Variants in CD101 observed in about 807,000 individuals in gnomAD.
CD101 encodes immunoglobulin superfamily member 2.
A neutral mutation model predicts 98.2 loss-of-function variants in CD101; 76 were observed. That is an observed-to-expected ratio of 0.77 (90% CI 0.64 to 0.94). The LOEUF (loss-of-function observed/expected upper bound fraction) is 0.94. Ranked by LOEUF, CD101 falls within the 40% of genes least tolerant of loss-of-function variation. CD101 has a pLI of 0.00. For synonymous variants in CD101, 471 were observed against 472.7 expected (o/e 1.00, Z 0.05); for missense variants, 1,145 against 1,218.8 (o/e 0.94, Z 0.90).
Position 117,029,204 on chromosome 1 carries a change from A to AAAG in CD101, c.2824+3302_2824+3303insGAA, listed in dbSNP as rs1553188315. ...GAAAGAAAGAAAGAAAGAAAGAAAG[A>AAAG]AAAGAAAGAAAAGAAAGAAAGAAAG... On this transcript the variant is annotated intron_variant, in intron 8 of 9. Coordinates refer to ENST00000682167, the MANE Select transcript of CD101 (RefSeq NM_001256106.3). Among the ~76,000 whole-genome samples, 34 of 58,874 alleles carry AAAG rather than the reference A, an allele frequency of 5.8e-4. 2 individuals are homozygous for AAAG. The highest frequency in any genetic ancestry group is 8.2e-4 in the African/African-American group (11 of 13,372). The allele number at this position is 58,874 out of a possible 152,430, so 38.6% of individuals were successfully genotyped here.
intron 8 of CD101, among the ~76,000 whole-genome samples, chr1:117,027,674 T>C (rs1019682847): frequency 1.3e-5 from 2 of 152,130 alleles, no homozygotes; most frequent in African/African-American, 2.4e-5. Flanking sequence ...CAAATGTGTC[T>C]AGAGTATGAA....
intron 6 of CD101, among the ~76,000 whole-genome samples, chr1:117,020,245 A>G (rs1049664851): frequency 6.6e-6 from 1 of 152,136 alleles, no homozygotes; most frequent in Non-Finnish European, 1.5e-5. Context: ...GACATGAGGA[A>G]CAAAAATTTT....
At position 117,018,504 on chromosome 1, in the gene CD101, G is replaced by GC. The variant is rs769906221; in HGVS notation, c.1967dup (p.Arg657GlufsTer38). The GC allele has an allele frequency of 1.5e-5, 25 of 1,613,140 alleles. No individual in the cohort carries two copies. Among genetic ancestry groups the GC allele is most frequent in the Non-Finnish European group, 2.0e-5 (24 of 1,179,316 alleles). On this transcript the variant is annotated frameshift_variant, in exon 6 of 10. Coordinates refer to ENST00000682167, the MANE Select transcript of CD101 (RefSeq NM_001256106.3). LOFTEE classifies it high-confidence loss of function. This position sits in a 1 kb window ranked among gnomAD's most constrained non-coding sequence, Gnocchi z 4.3. ...GACAGAAATTCCCTATACAACAACCGCCCCCCGAGGGCTTCTGCCATCTCT... is the reference window on the plus strand; with the variant it reads ...GACAGAAATTCCCTATACAACAACCGCCCCCCCGAGGGCTTCTGCCATCTCT...
chr1:117,009,841 A>C lies in CD101; in HGVS notation c.44-9A>C, dbSNP rs763796848. 5 of 1,583,736 alleles carry C rather than the reference A, an allele frequency of 3.2e-6. No homozygotes were observed. The highest frequency in any genetic ancestry group is 1.1e-5 in the South Asian group (1 of 89,396). On this transcript the variant is annotated splice_polypyrimidine_tract_variant and intron_variant, in intron 1 of 9. Coordinates refer to ENST00000682167, the MANE Select transcript of CD101 (RefSeq NM_001256106.3). ...CTTTTTATTCCCCTTTCTTTCTCCT[A>C]CTTACAAGCTAAGCTCAGCATTGGC...
rs1005767093 is a variant in CD101, at chr1:117,004,235, T to C, written c.43+2375T>C. Among the ~76,000 whole-genome samples, 1 of 152,188 alleles carries C rather than the reference T, an allele frequency of 6.6e-6. No individual in the cohort carries two copies. ...GATTCCACTTAGTATGGATGGAAGC[T>C]ATCTCAGCCTCCAAGCATATAGGGT... is the stretch of plus-strand genomic sequence containing the variant. On this transcript the variant is annotated intron_variant, in intron 1 of 9. Transcript: ENST00000682167. This position sits in a 1 kb window ranked among gnomAD's most constrained non-coding sequence, Gnocchi z 4.1.
chr1:117,023,960 A>G lies in CD101; in HGVS notation c.2429-1549A>G, dbSNP rs1392911871. ...ACCACATAGAGGACAGAAAAGGACTAGAGGGTCCCTTGAACTGGGAAATTG... is the reference window on the plus strand; with the variant it reads ...ACCACATAGAGGACAGAAAAGGACTGGAGGGTCCCTTGAACTGGGAAATTG... On this transcript the variant is annotated intron_variant, in intron 7 of 9. Transcript: ENST00000682167. This position sits in a 1 kb window ranked among gnomAD's most constrained non-coding sequence, Gnocchi z 4.4. Among the ~76,000 whole-genome samples, 1 of 152,218 alleles carries G rather than the reference A, an allele frequency of 6.6e-6. No homozygotes were observed. Among genetic ancestry groups the G allele is most frequent in the African/African-American group, 2.4e-5 (1 of 41,464 alleles).
intron 8 of CD101, chr1:117,026,896 T>TC (rs1046008625): frequency 1.3e-5 from 2 of 152,072 alleles, no homozygotes; most frequent in African/African-American, 4.8e-5. Context: ...TCCAAGGAAA[T>TC]CCCTGTAATG....
In CD101 at chr1:117,034,115, C is replaced by A. The variant is rs745821238; in HGVS notation, c.*14C>A. 1 of 1,613,504 alleles carries A rather than the reference C, an allele frequency of 6.2e-7. No individual in the cohort carries two copies. The highest frequency in any genetic ancestry group is 1.1e-5 in the South Asian group (1 of 91,060). On this transcript the variant is annotated 3_prime_UTR_variant, in exon 9 of 10. Transcript: ENST00000682167. ...GAAGGCAACTGAATCCCAAGAGGCA[C>A]CTGCAGCCAGGAAGGAAAGGTGGGG...
In CD101 at chr1:117,018,364, A is replaced by G; in HGVS notation, c.1821A>G (p.Leu607=). The change falls in exon 6 of 10, where the codon CTA becomes CTG. Residue 607 remains leucine, a synonymous_variant. Transcript: ENST00000682167. This position sits in a 1 kb window ranked among gnomAD's most constrained non-coding sequence, Gnocchi z 4.3. Reference sequence around the variant, plus strand: ...GCACTATTGAATGGGGGAATTTCCTATCCCGGTTCCAAAAGAAGACGAAAG... The same window carrying G: ...GCACTATTGAATGGGGGAATTTCCTGTCCCGGTTCCAAAAGAAGACGAAAG... The part of the protein sequence containing the change: ...HNGTIEWGNF[L]SRFQKKTKVS... 1.2e-6 allele frequency: 2 copies of G among 1,614,148 alleles called. No individual in the cohort carries two copies. The highest frequency in any genetic ancestry group is 2.2e-5 in the East Asian group (1 of 44,868).
At chr1:117,016,194 A>C (rs1306965531) in intron 4 of CD101, among the ~76,000 whole-genome samples, 1 of 147,788 alleles carries the variant, frequency 6.8e-6, no homozygotes, top group Non-Finnish European at 1.5e-5. Flanking sequence ...ATTTATATAT[A>C]TATATATTTA....
chr1:117,002,431 G>C (rs932424922), intron 1 of CD101, among the ~76,000 whole-genome samples: 1 of 152,230 alleles, frequency 6.6e-6, no homozygotes, highest in East Asian at 1.9e-4. Flanking sequence ...AGAGGGGCTT[G>C]CCTGATCTAG....
intron 1 of CD101, among the ~76,000 whole-genome samples, chr1:117,007,901 T>A (rs1652634346): frequency 6.6e-6 from 1 of 152,228 alleles, no homozygotes; most frequent in Non-Finnish European, 1.5e-5. Flanking sequence ...AGCCTACTGT[T>A]GATGGACATA....
At position 117,013,720 on chromosome 1, in the gene CD101, C is replaced by G. The variant is rs553939567; in HGVS notation, c.1156C>G (p.Arg386Gly). 26 of 1,614,016 alleles carry G rather than the reference C, an allele frequency of 1.6e-5. No individual in the cohort carries two copies. The highest frequency in any genetic ancestry group is 1.4e-4 in the South Asian group (13 of 91,074). ...TGTGGTAGCAGAGGTCATGAAAACA[C>G]GCACAGGTTCCTGGCAGGTGCTTCA... Reference protein sequence around the residue: ...RCVVAEVMKTRTGSWQVLQRK... With the variant: ...RCVVAEVMKTGTGSWQVLQRK... Residue 386 changes from arginine to glycine, a missense_variant, in exon 4 of 10, where the codon CGC becomes GGC. Coordinates refer to ENST00000682167, the MANE Select transcript of CD101 (RefSeq NM_001256106.3).
Position 117,012,634 on chromosome 1 carries a change from C to T in CD101, c.841+668C>T, listed in dbSNP as rs921117909. ...TGTTCCCCAGGCTGGCCTTGAACTC[C>T]GGGGCTCAAGCAATCCTCCTGCCTT... On this transcript the variant is annotated intron_variant, in intron 3 of 9. Transcript: ENST00000682167. This position sits in a 1 kb window ranked among gnomAD's most constrained non-coding sequence, Gnocchi z 4.0. 1.3e-5 allele frequency among the ~76,000 whole-genome samples: 2 copies of T among 152,122 alleles called. No individual in the cohort carries two copies. Among genetic ancestry groups the T allele is most frequent in the East Asian group, 1.9e-4 (1 of 5,202 alleles).
At position 117,029,212 on chromosome 1, in the gene CD101, GA is replaced by G. The variant is rs769846325; in HGVS notation, c.2824+3312del. ...GAAAGAAAGAAAGAAAGAAAAGAAA[GA>G]AAAGAAAGAAAGAAAGAAAGAAAGA... On this transcript the variant is annotated intron_variant, in intron 8 of 9. Transcript: ENST00000682167. Among the ~76,000 whole-genome samples the G allele has an allele frequency of 1.1e-3, 60 of 54,454 alleles. 1 individual carries two copies. The highest frequency in any genetic ancestry group is 3.6e-3 in the South Asian group (6 of 1,660). 35.7% of individuals were successfully genotyped at this position (54,454 alleles called of 152,430 possible).
At chr1:117,020,785 C>T (rs1653531227) in intron 6 of CD101, among the ~76,000 whole-genome samples, 2 of 152,122 alleles carry the variant, frequency 1.3e-5, no homozygotes, top group African/African-American at 2.4e-5. Flanking sequence ...TTGTCTGGCA[C>T]ATAATATAGT....
chr1:117,001,793 A>G lies in CD101; in HGVS notation c.-25A>G. 6.2e-7 allele frequency: 1 copy of G among 1,612,496 alleles called. No individual in the cohort carries two copies. The highest frequency in any genetic ancestry group is 8.5e-7 in the Non-Finnish European group (1 of 1,178,614). ...TCTGAATGTTAGTGACACTATTGGGACGAAAAAGGACTGTGCTGGCCCAAA... is the reference window on the plus strand; with the variant it reads ...TCTGAATGTTAGTGACACTATTGGGGCGAAAAAGGACTGTGCTGGCCCAAA... On this transcript the variant is annotated 5_prime_UTR_variant, in exon 1 of 10. Coordinates refer to ENST00000682167, the MANE Select transcript of CD101 (RefSeq NM_001256106.3).
At chr1:117,009,533 C>T (rs1012275646) in intron 1 of CD101, among the ~76,000 whole-genome samples, 2 of 152,228 alleles carry the variant, frequency 1.3e-5, no homozygotes, top group East Asian at 1.9e-4. Context: ...AGTTACCATA[C>T]ATTTATTTGC....
intron 8 of CD101, chr1:117,026,823 A>T (rs1175250577): frequency 6.6e-6 from 1 of 152,222 alleles, no homozygotes; most frequent in Non-Finnish European, 1.5e-5. Flanking sequence ...TGGCCTTCGT[A>T]TTCTTCAGAA....
Sources: allele counts gnomAD v4.1 joint callset (sites outside exome capture counted in the v4.1 genomes callset), GRCh38; gene constraint gnomAD v4.1.1; non-coding constraint Gnocchi (gnomAD v3.1); transcripts MANE v1.5; gene names NCBI Gene and HGNC (gene_info 2026-07-23, HGNC 2026-07-21).